Variants in EYS observed in about 807,000 individuals in gnomAD.
EYS encodes the protein protein eyes shut homolog.
EYS carries 250 observed loss-of-function variants against 282.1 expected under a neutral mutation model. That is an observed-to-expected ratio of 0.89 (90% CI 0.80 to 0.98). The LOEUF (loss-of-function observed/expected upper bound fraction) is 0.98. EYS is among the 50% of genes least tolerant of loss of function. The probability of loss-of-function intolerance (pLI) is 0.00; values close to 1 mark genes in which losing one functional copy is unlikely to be tolerated. For missense variants in EYS, 4,016 were observed against 3,709.0 expected (o/e 1.08, Z -2.15); for synonymous variants, 1,355 against 1,282.9 (o/e 1.06, Z -1.20).
chr6:64,098,523 A>C (rs569377897), intron 31 of EYS, among the ~76,000 whole-genome samples: 1 of 152,218 alleles, frequency 6.6e-6, no homozygotes, highest in Non-Finnish European at 1.5e-5. Context: ...GATAAAGATA[A>C]CTCAGGGTAG....
intron 30 of EYS, among the ~76,000 whole-genome samples, chr6:64,304,112 C>T (rs1023327630): frequency 2.0e-5 from 3 of 152,074 alleles, no homozygotes; most frequent in Admixed American, 1.3e-4. Context: ...ACTAAATAAA[C>T]GTGAACTTCA....
chr6:64,270,036 A>T (rs1181374870), intron 30 of EYS, among the ~76,000 whole-genome samples: 1 of 152,166 alleles, frequency 6.6e-6, no homozygotes, highest in Admixed American at 6.5e-5. Flanking sequence ...TTAATTTAAC[A>T]TTCTATTTAT....
intron 35 of EYS, among the ~76,000 whole-genome samples, chr6:63,911,779 A>G (rs1764256849): frequency 6.6e-6 from 1 of 152,218 alleles, no homozygotes; most frequent in African/African-American, 2.4e-5. Flanking sequence ...ATGAGGTTTT[A>G]TAACTCCAGA....
intron 30 of EYS, among the ~76,000 whole-genome samples, chr6:64,239,531 G>T (rs1036539039): frequency 6.6e-6 from 1 of 151,338 alleles, no homozygotes; most frequent in Non-Finnish European, 1.5e-5. Flanking sequence ...TCATATGTTT[G>T]TTGGCTGCAT....
At chr6:64,239,768 G>C (rs9342184) in intron 30 of EYS, among the ~76,000 whole-genome samples, 39,401 of 151,826 alleles carry the variant, frequency 0.26, 5,498 homozygotes, top group East Asian at 0.43. Context: ...ATCAAATCCT[G>C]TTTGTCTATT....
At chr6:65,197,296 G>C (rs1341194882) in intron 12 of EYS, among the ~76,000 whole-genome samples, 1 of 151,992 alleles carries the variant, frequency 6.6e-6, no homozygotes, top group South Asian at 2.1e-4. Context: ...TTAGACAAAA[G>C]GTGGAAGCTA....
chr6:65,174,994 C>A (rs1220924403), intron 12 of EYS, among the ~76,000 whole-genome samples: 2 of 151,224 alleles, frequency 1.3e-5, no homozygotes, highest in Admixed American at 6.6e-5. Context: ...TCTAAAGTCA[C>A]TCCTTATATA....
chr6:64,298,330 T>G (rs1769110974), intron 30 of EYS, among the ~76,000 whole-genome samples: 1 of 129,720 alleles, frequency 7.7e-6, no homozygotes, highest in Admixed American at 8.1e-5. Context: ...AAAAGACTAA[T>G]GCATTTCAAA....
intron 14 of EYS, among the ~76,000 whole-genome samples, chr6:64,991,473 G>A (rs1370136322): frequency 1.3e-5 from 2 of 151,442 alleles, no homozygotes; most frequent in African/African-American, 2.4e-5. Flanking sequence ...GAACCTTTTG[G>A]ATATCATAAT....
chr6:63,759,631 T>C (rs188983009), intron 41 of EYS, among the ~76,000 whole-genome samples: 29 of 152,208 alleles, frequency 1.9e-4, no homozygotes, highest in Admixed American at 1.8e-3. Context: ...TAACTACACC[T>C]CTATTAATTA....
At chr6:65,319,906 C>A (rs1390215544) in intron 11 of EYS, among the ~76,000 whole-genome samples, 2 of 151,680 alleles carry the variant, frequency 1.3e-5, no homozygotes, top group African/African-American at 4.9e-5. Flanking sequence ...TTTTTGCTTC[C>A]TTCTCCCCCA....
chr6:63,997,234 AAAGCCACTT>A, intron 34 of EYS, among the ~76,000 whole-genome samples: 1 of 152,204 alleles, frequency 6.6e-6, no homozygotes. Context: ...ATGCAGTAGA[AAAGCCACTT>A]AGGTGCTCTT....
intron 1 of EYS, among the ~76,000 whole-genome samples, chr6:65,703,681 T>C (rs933554405): frequency 5.3e-5 from 8 of 152,112 alleles, no homozygotes; most frequent in Middle Eastern, 3.4e-3. Context: ...AATTAATACT[T>C]TGGAAGTAAT....
chr6:64,451,744 A>T (rs1051541313), intron 26 of EYS, among the ~76,000 whole-genome samples: 1 of 152,164 alleles, frequency 6.6e-6, no homozygotes, highest in African/African-American at 2.4e-5. Flanking sequence ...TATAAACAGA[A>T]CCAACGACAA....
chr6:63,889,882 A>G (rs1049079189), intron 35 of EYS, among the ~76,000 whole-genome samples: 3 of 152,142 alleles, frequency 2.0e-5, no homozygotes, highest in Non-Finnish European at 2.9e-5. Context: ...GACCCATCTC[A>G]CGTACAAAGT....
intron 30 of EYS, among the ~76,000 whole-genome samples, chr6:64,257,511 T>C (rs1049022436): frequency 6.6e-5 from 10 of 152,168 alleles, no homozygotes; most frequent in South Asian, 2.1e-4. Flanking sequence ...TTATTAGAAT[T>C]ATCTATTTGT....
At chr6:63,890,491 G>GTACA (rs1773379237) in intron 35 of EYS, among the ~76,000 whole-genome samples, 1 of 152,166 alleles carries the variant, frequency 6.6e-6, no homozygotes, top group East Asian at 1.9e-4. Context: ...CCTCCTGAAT[G>GTACA]ACTACTGGGT....
intron 36 of EYS, among the ~76,000 whole-genome samples, chr6:63,827,671 C>T (rs961554843): frequency 5.3e-5 from 8 of 151,764 alleles, no homozygotes; most frequent in African/African-American, 1.5e-4. Flanking sequence ...GGTGAAACCC[C>T]GTCTCTACTA....
At chr6:64,027,975 A>G (rs1308830931) in intron 33 of EYS, among the ~76,000 whole-genome samples, 1 of 152,204 alleles carries the variant, frequency 6.6e-6, no homozygotes, top group Non-Finnish European at 1.5e-5. Flanking sequence ...GTCCATTACC[A>G]TCTGAGGAAT....
Sources: allele counts gnomAD v4.1 joint callset (sites outside exome capture counted in the v4.1 genomes callset), GRCh38; gene constraint gnomAD v4.1.1; transcripts MANE v1.5; gene names NCBI Gene and HGNC (gene_info 2026-07-23, HGNC 2026-07-21).